The following MAP1B variants were observed in gnomAD, a reference collection of about 807,000 sequenced individuals.
The protein encoded by MAP1B is microtubule associated protein 1B, also known as microtubule-associated protein 1B.
MAP1B carries 12 observed loss-of-function variants against 176.1 expected under a neutral mutation model. That is an observed-to-expected ratio of 0.07 (90% CI 0.04 to 0.11). MAP1B has a LOEUF of 0.11. MAP1B is among the 10% of genes least tolerant of loss of function. The pLI is 1.00. For missense variants in MAP1B, 2,523 were observed against 2,990.5 expected, an observed-to-expected ratio of 0.84 and a Z score of 3.65; for synonymous variants, 1,044 against 1,135.0, an observed-to-expected ratio of 0.92 and a Z score of 1.61.
intron 2 of MAP1B, among the ~76,000 whole-genome samples, chr5:72,150,918 T>C (rs865784105): frequency 1.3e-5 from 2 of 152,206 alleles, no homozygotes; most frequent in Non-Finnish European, 2.9e-5. Flanking sequence ...GTGGAGGTGA[T>C]GCACAGCAGA....
intron 2 of MAP1B, among the ~76,000 whole-genome samples, chr5:72,142,009 G>A (rs1350546586): frequency 6.6e-6 from 1 of 152,184 alleles, no homozygotes; most frequent in Non-Finnish European, 1.5e-5. Context: ...GCCCTGCCAC[G>A]TGTTTCTCCA....
Position 72,196,935 on chromosome 5 carries a change from G to T in MAP1B, c.3580G>T (p.Ala1194Ser). 1 of 1,614,172 alleles carries T rather than the reference G, an allele frequency of 6.2e-7. No homozygotes were observed. Among genetic ancestry groups the T allele is most frequent in the Non-Finnish European group, 8.5e-7 (1 of 1,180,004 alleles). Residue 1194 changes from alanine to serine, a missense_variant, in exon 5 of 7, where the codon GCC becomes TCC. By Grantham distance (99) the Ala-to-Ser change is moderately conservative. Coordinates refer to ENST00000296755, the MANE Select transcript of MAP1B (RefSeq NM_005909.5). This position sits in a 1 kb window ranked among gnomAD's most constrained non-coding sequence, Gnocchi z 5.3. Reference sequence around the variant, plus strand: ...ATTTTCTGAAGGATCAAAAACAGATGCCACTGATGGCAAGGATTACAATGC... The same window carrying T: ...ATTTTCTGAAGGATCAAAAACAGATTCCACTGATGGCAAGGATTACAATGC... ...NGFSEGSKTD[A>S]TDGKDYNASA...
intron 4 of MAP1B, among the ~76,000 whole-genome samples, chr5:72,190,262 A>G (rs1027259102): frequency 2.0e-5 from 3 of 152,232 alleles, no homozygotes; most frequent in Admixed American, 1.3e-4. Context: ...TCGACAATTT[A>G]TATAATTTAA....
intron 1 of MAP1B, among the ~76,000 whole-genome samples, chr5:72,108,891 GGGTCCCT>G (rs1745230807): frequency 1.3e-5 from 2 of 152,184 alleles, no homozygotes; most frequent in Non-Finnish European, 1.5e-5. Context: ...AGAGGTCGCC[GGGTCCCT>G]CCGCAGCCCC....
intron 2 of MAP1B, among the ~76,000 whole-genome samples, chr5:72,128,485 G>A (rs1206809197): frequency 6.6e-6 from 1 of 151,894 alleles, no homozygotes; most frequent in African/African-American, 2.4e-5. Context: ...CTATCTTCTA[G>A]GTTATTCGAA....
chr5:72,124,276 G>C (rs1745584450), intron 2 of MAP1B, among the ~76,000 whole-genome samples: 1 of 152,172 alleles, frequency 6.6e-6, no homozygotes, highest in African/African-American at 2.4e-5. Flanking sequence ...AGAAACGTGA[G>C]AAAGTAAGAG....
At chr5:72,111,819 T>G (rs2112114006) in intron 1 of MAP1B, among the ~76,000 whole-genome samples, 1 of 152,302 alleles carries the variant, frequency 6.6e-6, no homozygotes, top group South Asian at 2.1e-4. Context: ...TTATGTCACT[T>G]CTCATTTGCT....
At chr5:72,116,548 A>G in intron 2 of MAP1B, 1 of 332,058 alleles carries the variant, frequency 3.0e-6, no homozygotes. Flanking sequence ...GGCGCTGGAG[A>G]TGTATTCATA....
chr5:72,196,974 A>G lies in MAP1B; in HGVS notation c.3619A>G (p.Ile1207Val), dbSNP rs1561315630. 2 of 1,614,072 alleles carry G rather than the reference A, an allele frequency of 1.2e-6. No homozygotes were observed. Among genetic ancestry groups the G allele is most frequent in the African/African-American group, 1.3e-5 (1 of 74,930 alleles). Residue 1207 changes from isoleucine to valine, a missense_variant, in exon 5 of 7, where the codon ATA (isoleucine) becomes GTA (valine). Ile to Val is a conservative substitution (Grantham distance 29, BLOSUM62 3). This residue lies in a region of MAP1B where 1,925 missense variants were observed against 2,126.0 expected (regional missense o/e 0.91). Transcript: ENST00000296755. This position sits in a 1 kb window ranked among gnomAD's most constrained non-coding sequence, Gnocchi z 5.3. ...GKDYNASAST[I>V]SPPSSMEEDK... ...GGATTACAATGCTTCAGCCTCTACC[A>G]TATCACCACCCTCTTCCATGGAGGA... is the stretch of plus-strand genomic sequence containing the variant.
At chr5:72,133,827 T>C (rs897735013) in intron 2 of MAP1B, among the ~76,000 whole-genome samples, 3 of 152,220 alleles carry the variant, frequency 2.0e-5, no homozygotes. Flanking sequence ...CATTATAAAG[T>C]CTACAGTATT....
chr5:72,187,107 G>A (rs1746924837), intron 4 of MAP1B, among the ~76,000 whole-genome samples: 1 of 152,198 alleles, frequency 6.6e-6, no homozygotes, highest in African/African-American at 2.4e-5. Context: ...AAAGATATCT[G>A]GGGCTTTTGG....
At chr5:72,168,823 C>T (rs1485372343) in intron 2 of MAP1B, among the ~76,000 whole-genome samples, 3 of 152,188 alleles carry the variant, frequency 2.0e-5, no homozygotes, top group African/African-American at 7.2e-5. Context: ...TTATCAATGC[C>T]TTGAAAATGC....
chr5:72,140,303 G>A (rs961518142), intron 2 of MAP1B, among the ~76,000 whole-genome samples: 5 of 152,182 alleles, frequency 3.3e-5, no homozygotes, highest in Admixed American at 2.0e-4. Flanking sequence ...AGAAAATACA[G>A]GCTGATCCAT....
In MAP1B at chr5:72,138,657, T is replaced by G. The variant is rs11738077; in HGVS notation, c.286+22858T>G. ...ATAGGGCATGTATAATCAGTAATGA[T>G]TAATCAATAGAATTCAGTATTTGGC... On this transcript the variant is annotated intron_variant, in intron 2 of 6. Transcript: ENST00000296755. Among the ~76,000 whole-genome samples the G allele has an allele frequency of 5.9e-3, 902 of 152,350 alleles. 2 individuals are homozygous for G. Among genetic ancestry groups the G allele is most frequent in the Non-Finnish European group, 9.2e-3 (625 of 68,028 alleles).
chr5:72,140,961 G>T (rs1284275664), intron 2 of MAP1B, among the ~76,000 whole-genome samples: 1 of 152,112 alleles, frequency 6.6e-6, no homozygotes, highest in Non-Finnish European at 1.5e-5. Context: ...GGGGTTGGGG[G>T]TGCACCATTC....
At position 72,202,701 on chromosome 5, in the gene MAP1B, C is replaced by T. The variant is rs911867016; in HGVS notation, c.7013-862C>T. 3.3e-5 allele frequency among the ~76,000 whole-genome samples: 5 copies of T among 152,134 alleles called. No homozygotes were observed. In the South Asian group the frequency reaches 6.2e-4, roughly 19 times the overall value. On this transcript the variant is annotated intron_variant, in intron 5 of 6. Coordinates refer to ENST00000296755, the MANE Select transcript of MAP1B (RefSeq NM_005909.5). Reference sequence around the variant, plus strand: ...GGCCTGGGTGTCAGTATTAAGCATCCGAGGTGATTCTGATTATATAGTCAG... The same window carrying T: ...GGCCTGGGTGTCAGTATTAAGCATCTGAGGTGATTCTGATTATATAGTCAG...
At chr5:72,176,561 G>T (rs116823154) in intron 2 of MAP1B, among the ~76,000 whole-genome samples, 1 of 152,266 alleles carries the variant, frequency 6.6e-6, no homozygotes, top group East Asian at 1.9e-4. Flanking sequence ...AAATGCTTTG[G>T]CAACTCTAAG....
chr5:72,151,475 T>G (rs191568530), intron 2 of MAP1B, among the ~76,000 whole-genome samples: 1 of 152,240 alleles, frequency 6.6e-6, no homozygotes, highest in Non-Finnish European at 1.5e-5. Context: ...GACCAAAATA[T>G]TGTGTTTCCA....
chr5:72,158,895 G>A (rs1453590291), intron 2 of MAP1B, among the ~76,000 whole-genome samples: 4 of 152,312 alleles, frequency 2.6e-5, no homozygotes, highest in Middle Eastern at 3.4e-3. Flanking sequence ...GAAAGTTAGA[G>A]ATTTGGGCAA....
Sources: allele counts gnomAD v4.1 joint callset (sites outside exome capture counted in the v4.1 genomes callset), GRCh38; gene constraint gnomAD v4.1.1; regional missense constraint gnomAD v4.1.1; non-coding constraint Gnocchi (gnomAD v3.1); transcripts MANE v1.5; gene names NCBI Gene and HGNC (gene_info 2026-07-23, HGNC 2026-07-21).